Variants in UBP1 observed in about 807,000 individuals in gnomAD.
UBP1 encodes the protein upstream binding protein 1, also known as upstream-binding protein 1.
In UBP1, 22 loss-of-function variants were observed where a neutral mutation model predicts 76.1. That is an observed-to-expected ratio of 0.29 (90% CI 0.21 to 0.41). UBP1 has a LOEUF of 0.41. UBP1 is among the 10% of genes least tolerant of loss of function. The pLI is 1.00. For synonymous variants in UBP1, 224 were observed against 237.1 expected, an observed-to-expected ratio of 0.94 and a Z score of 0.51; for missense variants, 436 against 668.1, an observed-to-expected ratio of 0.65 and a Z score of 3.83.
Position 33,411,583 on chromosome 3 carries a change from G to A in UBP1, c.553C>T (p.Gln185Ter). 6.2e-7 allele frequency: 1 copy of A among 1,613,862 alleles called. No individual in the cohort carries two copies. The highest frequency in any genetic ancestry group is 8.5e-7 in the Non-Finnish European group (1 of 1,179,834). Residue 185 changes from glutamine (Q) to a stop codon, truncating the protein, a stop_gained and splice_region_variant, in exon 5 of 16, where the codon CAG becomes TAG. Coordinates refer to ENST00000283629, the MANE Select transcript of UBP1 (RefSeq NM_014517.5). LOFTEE classifies it high-confidence loss of function. ...DPAKRTSAFI[Q>*]VHCISTEFTP... is the part of the protein sequence containing the mutation. ...TCTAATAATGTAAAAATCCAAACCT[G>A]AATGAAAGCAGAGGTGCGTTTTGCT...
intron 11 of UBP1, 100 bp downstream of exon 11, chr3:33,400,089 T>C (rs1249094749): frequency 2.9e-6 from 2 of 681,036 alleles, no homozygotes; most frequent in Non-Finnish European, 4.3e-6. Context: ...CAACTTCCTA[T>C]CCATAGTTAT....
chr3:33,435,964 A>T (rs1267199264), intron 1 of UBP1, among the ~76,000 whole-genome samples: 3 of 152,232 alleles, frequency 2.0e-5, no homozygotes. Context: ...TCCAAGATAT[A>T]TATCACCTAC....
chr3:33,439,834 G>A lies in UBP1; in HGVS notation c.15C>T (p.Leu5=). The A allele has an allele frequency of 2.5e-6, 4 of 1,612,110 alleles. No individual in the cohort carries two copies. The highest frequency in any genetic ancestry group is 1.7e-4 in the Middle Eastern group (1 of 6,058). MAWV[L]KMDEVIESGL... ...CGGACTCGATCACCTCGTCCATCTT[G>A]AGCACCCAGGCCATCTTCCGGCCTC... The change falls in exon 1 of 16, where the codon CTC becomes CTT. Residue 5 remains leucine, a synonymous_variant. Coordinates refer to ENST00000283629, the MANE Select transcript of UBP1 (RefSeq NM_014517.5).
chr3:33,438,717 T>G (rs2045239880), intron 1 of UBP1, among the ~76,000 whole-genome samples: 1 of 152,146 alleles, frequency 6.6e-6, no homozygotes, highest in South Asian at 2.1e-4. Context: ...TCAGAATTTC[T>G]CCTTAAGATT....
chr3:33,396,052 T>C (rs3817476), intron 13 of UBP1, 110 bp downstream of exon 13: 198,808 of 974,710 alleles, frequency 0.2, 24,018 homozygotes, highest in East Asian at 0.44. Flanking sequence ...CATGAGCAAC[T>C]TGGCATTCCT....
chr3:33,399,729 TGTG>T (rs1260018875), intron 11 of UBP1, among the ~76,000 whole-genome samples: 1 of 152,156 alleles, frequency 6.6e-6, no homozygotes, highest in African/African-American at 2.4e-5. Flanking sequence ...TCATCTTAAT[TGTG>T]GTGGTGGTTA....
At chr3:33,396,963 C>T (rs952282510) in intron 12 of UBP1, 82 bp downstream of exon 12, 10 of 1,281,530 alleles carry the variant, frequency 7.8e-6, no homozygotes, top group Admixed American at 3.6e-5. Context: ...GCCAACCTAG[C>T]GTGGAAACAC....
chr3:33,416,858 AAAAC>A (rs763030849), intron 2 of UBP1, 24 bp from the exon 3 acceptor site: 1 of 1,579,090 alleles, frequency 6.3e-7, no homozygotes, highest in Non-Finnish European at 8.7e-7. Context: ...TTGTGTATAA[AAAAC>A]AATCCTTATA....
At chr3:33,426,052 C>T (rs940231) in intron 1 of UBP1, among the ~76,000 whole-genome samples, 1 of 109,748 alleles carries the variant, frequency 9.1e-6, no homozygotes, top group Non-Finnish European at 1.9e-5. Context: ...ACTTTAAAAA[C>T]TTCTTTTAAA....
chr3:33,432,483 T>C (rs1282088764), intron 1 of UBP1, among the ~76,000 whole-genome samples: 5 of 152,238 alleles, frequency 3.3e-5, no homozygotes, highest in African/African-American at 1.2e-4. Flanking sequence ...AGCATCCTAT[T>C]TATATTTAGA....
chr3:33,422,507 A>C (rs2044921925), intron 2 of UBP1, among the ~76,000 whole-genome samples: 1 of 152,190 alleles, frequency 6.6e-6, no homozygotes, highest in Non-Finnish European at 1.5e-5. Flanking sequence ...GTTTGAGCCC[A>C]GGAGTCGGAG....
chr3:33,399,605 T>C (rs1276919628), intron 11 of UBP1, among the ~76,000 whole-genome samples: 4 of 152,160 alleles, frequency 2.6e-5, no homozygotes, highest in African/African-American at 9.7e-5. Context: ...AATGACAAAA[T>C]TATAGACAGA....
chr3:33,415,286 A>G (rs1289553667), intron 3 of UBP1, among the ~76,000 whole-genome samples: 4 of 152,348 alleles, frequency 2.6e-5, no homozygotes, highest in East Asian at 3.9e-4. Flanking sequence ...ATTTTCTTCA[A>G]TGCCTTGATG....
intron 1 of UBP1, among the ~76,000 whole-genome samples, chr3:33,437,854 A>T (rs2045227114): frequency 6.6e-6 from 1 of 152,196 alleles, no homozygotes; most frequent in Non-Finnish European, 1.5e-5. Flanking sequence ...GAATTTCCTT[A>T]GTTTGAGAAT....
At chr3:33,413,049 T>C (rs2154057654) in intron 3 of UBP1, among the ~76,000 whole-genome samples, 1 of 152,282 alleles carries the variant, frequency 6.6e-6, no homozygotes, top group East Asian at 1.9e-4. Flanking sequence ...ATAAATAAAA[T>C]GGTAACTTAG....
intron 1 of UBP1, among the ~76,000 whole-genome samples, chr3:33,434,264 G>GT (rs1405190110): frequency 3.5e-5 from 5 of 141,052 alleles, no homozygotes; most frequent in Non-Finnish European, 6.2e-5. Context: ...TTTCTTGAAA[G>GT]TAAGGTTTCA....
chr3:33,411,432 T>C (rs1201220360), intron 5 of UBP1, 149 bp downstream of exon 5: 6 of 622,874 alleles, frequency 9.6e-6, no homozygotes, highest in Non-Finnish European at 1.7e-5. Flanking sequence ...GTGAACTTAC[T>C]AGATTAAACC....
At chr3:33,440,520 A>T (rs1039451683), upstream of UBP1, 1 of 144,840 alleles carries the variant, frequency 6.9e-6, no homozygotes, top group Non-Finnish European at 1.5e-5. Context: ...GGAACTGTCC[A>T]GAGAGTGCAA....
At chr3:33,435,066 C>G (rs2045183682) in intron 1 of UBP1, among the ~76,000 whole-genome samples, 1 of 152,182 alleles carries the variant, frequency 6.6e-6, no homozygotes, top group African/African-American at 2.4e-5. Flanking sequence ...ATATTTACTA[C>G]CTAGCCCTTT....
Sources: gnomAD v4.1 joint callset for allele counts (sites outside exome capture counted in the v4.1 genomes callset) on GRCh38, gnomAD v4.1.1 for gene constraint, MANE v1.5 for transcripts, NCBI Gene and HGNC (gene_info 2026-07-23, HGNC 2026-07-21) for gene names.